The following WDR7 variants were observed in gnomAD, a reference collection of about 807,000 sequenced individuals.
WDR7 encodes the protein WD repeat-containing protein 7.
WDR7 carries 46 observed loss-of-function variants against 169.4 expected under a neutral mutation model. That is an observed-to-expected ratio of 0.27 (90% CI 0.21 to 0.35). WDR7 has a LOEUF of 0.35. Ranked by LOEUF, WDR7 falls within the 10% of genes least tolerant of loss-of-function variation. The pLI is 1.00. For missense variants in WDR7, 1,534 were observed against 1,859.3 expected, an observed-to-expected ratio of 0.83 and a Z score of 3.22; for synonymous variants, 612 against 666.8, an observed-to-expected ratio of 0.92 and a Z score of 1.27.
intron 26 of WDR7, among the ~76,000 whole-genome samples, chr18:57,016,090 C>A (rs1308304409): frequency 6.6e-6 from 1 of 152,082 alleles, no homozygotes; most frequent in East Asian, 1.9e-4. Context: ...GTGCAGCCAA[C>A]TGGGGAGGAC....
At chr18:56,735,670 G>A (rs1477917257) in intron 14 of WDR7, among the ~76,000 whole-genome samples, 2 of 152,058 alleles carry the variant, frequency 1.3e-5, no homozygotes, top group African/African-American at 2.4e-5. Flanking sequence ...ACAGTTGGAT[G>A]GAACAAAGAT....
At chr18:56,841,326 G>A (rs1003692511) in intron 20 of WDR7, among the ~76,000 whole-genome samples, 2 of 152,082 alleles carry the variant, frequency 1.3e-5, no homozygotes, top group Non-Finnish European at 2.9e-5. Context: ...CAGATCAGTT[G>A]AGAATAGGAG....
Position 56,767,629 on chromosome 18 carries a change from A to G in WDR7, c.2848+8676A>G, listed in dbSNP as rs565666482. On this transcript the variant is annotated intron_variant, in intron 16 of 27. Coordinates refer to ENST00000254442, the MANE Select transcript of WDR7 (RefSeq NM_015285.3). Reference sequence around the variant, plus strand: ...CCTGACTGCAAATCTGTTTCTTGTTACTCCATCTTGGCCAGAAGTGGAAGT... The same window carrying G: ...CCTGACTGCAAATCTGTTTCTTGTTGCTCCATCTTGGCCAGAAGTGGAAGT... 2.6e-5 allele frequency among the ~76,000 whole-genome samples: 4 copies of G among 152,014 alleles called. No homozygotes were observed. The East Asian group carries it at 7.7e-4, about 29-fold the overall frequency.
intron 26 of WDR7, among the ~76,000 whole-genome samples, chr18:56,991,313 A>AT (rs1258532150): frequency 2.0e-5 from 3 of 152,056 alleles, no homozygotes; most frequent in Admixed American, 6.5e-5. Flanking sequence ...CTCCCGGCTG[A>AT]TTTTTTGTAT....
chr18:56,900,082 GTATATATA>G (rs1191116351), intron 21 of WDR7, among the ~76,000 whole-genome samples: 65 of 32,058 alleles, frequency 2.0e-3, no homozygotes, highest in African/African-American at 3.6e-3. Context: ...GTGTGTGTGT[GTATATATA>G]TATATATATA....
intron 22 of WDR7, among the ~76,000 whole-genome samples, chr18:56,931,478 CT>C (rs2046883441): frequency 6.6e-6 from 1 of 151,694 alleles, no homozygotes; most frequent in African/African-American, 2.4e-5. Flanking sequence ...ATTTTTTTTT[CT>C]GCCTGCTGAA....
At chr18:56,735,814 G>A (rs2026686939) in intron 14 of WDR7, among the ~76,000 whole-genome samples, 1 of 152,178 alleles carries the variant, frequency 6.6e-6, no homozygotes, top group Non-Finnish European at 1.5e-5. Flanking sequence ...GAGCATGACT[G>A]CTTTCCAATA....
At chr18:56,806,148 G>A (rs919569675) in intron 19 of WDR7, among the ~76,000 whole-genome samples, 5 of 152,068 alleles carry the variant, frequency 3.3e-5, no homozygotes, top group African/African-American at 9.7e-5. Flanking sequence ...CTTATTCATT[G>A]ATAAATCTGT....
intron 25 of WDR7, among the ~76,000 whole-genome samples, chr18:56,941,666 A>G (rs993329722): frequency 6.6e-6 from 1 of 152,224 alleles, no homozygotes; most frequent in Non-Finnish European, 1.5e-5. Context: ...ATGTCATTTC[A>G]TTCAACATCA....
chr18:56,725,971 G>A (rs1346443585), intron 13 of WDR7, among the ~76,000 whole-genome samples: 2 of 152,148 alleles, frequency 1.3e-5, no homozygotes, highest in Non-Finnish European at 2.9e-5. Flanking sequence ...TTGTAGATGT[G>A]TGGTATTATT....
At chr18:56,750,162 G>A (rs1259587760) in intron 14 of WDR7, among the ~76,000 whole-genome samples, 3 of 152,054 alleles carry the variant, frequency 2.0e-5, no homozygotes, top group Non-Finnish European at 4.4e-5. Flanking sequence ...AATTGTCACA[G>A]GTTCACTTTC....
intron 21 of WDR7, among the ~76,000 whole-genome samples, chr18:56,913,831 A>C (rs2046586349): frequency 1.4e-5 from 2 of 142,362 alleles, no homozygotes; most frequent in Non-Finnish European, 3.1e-5. Context: ...TTCAGTTATC[A>C]CTACTCCATG....
chr18:56,721,685 C>G (rs1167513720), intron 13 of WDR7: 6 of 152,204 alleles, frequency 3.9e-5, no homozygotes, highest in Admixed American at 3.9e-4. Flanking sequence ...TATGCAGTGC[C>G]ATTCTCACAG....
chr18:56,904,648 C>T (rs1395214478), intron 21 of WDR7, among the ~76,000 whole-genome samples: 1 of 152,118 alleles, frequency 6.6e-6, no homozygotes, highest in Non-Finnish European at 1.5e-5. Context: ...ATAAAGAATG[C>T]ACTTTCTTCC....
intron 6 of WDR7, 100 bp from the exon 7 acceptor site, chr18:56,686,755 G>A: frequency 9.9e-7 from 1 of 1,009,356 alleles, no homozygotes; most frequent in Middle Eastern, 2.8e-4. Context: ...ATGAACATAT[G>A]AAGCGATGCC....
intron 26 of WDR7, among the ~76,000 whole-genome samples, chr18:56,994,416 GTT>G (rs560809993): frequency 4.5e-4 from 69 of 152,224 alleles, no homozygotes; most frequent in Admixed American, 2.4e-3. Flanking sequence ...AAACATGTGA[GTT>G]TTGTTATGCT....
Position 56,686,943 on chromosome 18 carries a change from CA to C in WDR7, c.687del (p.Leu230PhefsTer78). On this transcript the variant is annotated frameshift_variant, in exon 7 of 28. Coordinates refer to ENST00000254442, the MANE Select transcript of WDR7 (RefSeq NM_015285.3). LOFTEE classifies it high-confidence loss of function. ...TCTTTTTGTGCATTTACACAAAGGT[CA>C]CTTTTGGTTGTGTGTTCCAAATATT... is the stretch of plus-strand genomic sequence containing the variant. ...SISFCAFTQR[S>X]LLVVCSKYWR... The C allele has an allele frequency of 6.2e-7, 1 of 1,611,090 alleles. No homozygotes were observed. Among genetic ancestry groups the C allele is most frequent in the Non-Finnish European group, 8.5e-7 (1 of 1,177,818 alleles).
At chr18:56,817,123 TC>T (rs1167386478) in intron 20 of WDR7, among the ~76,000 whole-genome samples, 3 of 151,980 alleles carry the variant, frequency 2.0e-5, no homozygotes, top group Non-Finnish European at 2.9e-5. Flanking sequence ...GGTGGGCAGA[TC>T]ACCTGAGGTC....
At chr18:56,881,186 A>G (rs1341019038) in intron 21 of WDR7, among the ~76,000 whole-genome samples, 32 of 152,194 alleles carry the variant, frequency 2.1e-4, no homozygotes, top group Non-Finnish European at 8.8e-5. Flanking sequence ...TGCCCCTCCT[A>G]TAACTGTTTT....
Sources: allele counts gnomAD v4.1 joint callset (sites outside exome capture counted in the v4.1 genomes callset), GRCh38; gene constraint gnomAD v4.1.1; transcripts MANE v1.5; gene names NCBI Gene and HGNC (gene_info 2026-07-23, HGNC 2026-07-21).